PSEN2: variants seen among roughly 807,000 people sequenced by gnomAD.
The protein encoded by PSEN2 is presenilin 2, also known as presenilin-2.
A neutral mutation model predicts 49.1 loss-of-function variants in PSEN2; 32 were observed. The ratio of observed to expected loss-of-function variants is 0.65; its 90% CI spans 0.49 to 0.88. PSEN2 has a LOEUF of 0.88. PSEN2 is among the 40% of genes least tolerant of loss of function. PSEN2 has a pLI of 0.00. For missense variants in PSEN2, 522 were observed against 586.9 expected (o/e 0.89, Z 1.14); for synonymous variants, 255 against 244.0 (o/e 1.05, Z -0.42).
chr1:226,872,181 C>T (rs182206986), intron 2 of PSEN2, among the ~76,000 whole-genome samples: 11 of 152,276 alleles, frequency 7.2e-5, no homozygotes, highest in African/African-American at 2.6e-4. Flanking sequence ...TAATGTCACA[C>T]CTGTCTCCCC....
chr1:226,884,062 T>G (rs1661186436), intron 5 of PSEN2, 143 bp downstream of exon 5: 1 of 723,440 alleles, frequency 1.4e-6, no homozygotes, highest in African/African-American at 1.7e-5. Flanking sequence ...CCGCCCAGGT[T>G]CATGGCCTGG....
chr1:226,885,506 C>G (rs200748438), intron 5 of PSEN2, 32 bp from the exon 6 acceptor site: 1 of 1,611,650 alleles, frequency 6.2e-7, no homozygotes, highest in African/African-American at 1.3e-5. Context: ...CAGTCAGGGC[C>G]GGGAGCATCA....
At chr1:226,903,042 T>A (rs181707239) in intron 12 of PSEN2, among the ~76,000 whole-genome samples, 1 of 145,662 alleles carries the variant, frequency 6.9e-6, no homozygotes, top group East Asian at 1.9e-4. Context: ...GGCTTGAAAT[T>A]ATCAAAATAA....
At chr1:226,889,281 CTT>C (rs58663378) in intron 8 of PSEN2, among the ~76,000 whole-genome samples, 1 of 145,882 alleles carries the variant, frequency 6.9e-6, no homozygotes. Context: ...TCCTCATTTA[CTT>C]TTTTTTTTTT....
downstream of PSEN2, chr1:226,899,082 C>T (rs1488698962): frequency 6.6e-6 from 1 of 152,154 alleles, no homozygotes; most frequent in African/African-American, 2.4e-5. Context: ...CCTCTCTTCC[C>T]TGCCTTTAGG....
At chr1:226,891,508 C>A in intron 10 of PSEN2, 147 bp downstream of exon 10, 1 of 786,496 alleles carries the variant, frequency 1.3e-6, no homozygotes. Flanking sequence ...CGGACACATG[C>A]GGCTTGAAGA....
At chr1:226,897,103 G>A (rs1196551333), downstream of PSEN2, among the ~76,000 whole-genome samples, 1 of 152,178 alleles carries the variant, frequency 6.6e-6, no homozygotes, top group Admixed American at 6.5e-5. Context: ...TCAGAGACCT[G>A]GGATGGGGGG....
At chr1:226,885,138 C>T (rs538926736) in intron 5 of PSEN2, among the ~76,000 whole-genome samples, 2 of 131,036 alleles carry the variant, frequency 1.5e-5, no homozygotes, top group Admixed American at 7.8e-5. Context: ...GGATGGGGGT[C>T]GGGTAGTAGC....
rs1322806523 is a variant in PSEN2 at position 226,895,900 on chromosome 1, G to T, written c.*321G>T. ...GCTGAGATGCGCAAAGAGTGTGCTCGGGAGTGGCCCCTGGCACCTGGGTGC... is the reference window on the plus strand; with the variant it reads ...GCTGAGATGCGCAAAGAGTGTGCTCTGGAGTGGCCCCTGGCACCTGGGTGC... On this transcript the variant is annotated 3_prime_UTR_variant, in exon 13 of 13. Transcript: ENST00000366783. 2 of 433,102 alleles carry T rather than the reference G, an allele frequency of 4.6e-6. No individual in the cohort carries two copies. The highest frequency in any genetic ancestry group is 8.5e-6 in the Non-Finnish European group (2 of 234,116). 26.8% of individuals were successfully genotyped at this position (433,102 alleles called of 1,614,324 possible). A position where few individuals can be genotyped will look rare whatever the true frequency, so the allele number is the denominator to read the frequency against.
chr1:226,900,303 C>T (rs1480452237), downstream of PSEN2, among the ~76,000 whole-genome samples: 2 of 152,116 alleles, frequency 1.3e-5, no homozygotes, highest in Non-Finnish European at 2.9e-5. Context: ...TGGCTCTCTA[C>T]AGAATGCCTG....
chr1:226,890,904 G>A, intron 9 of PSEN2: 1 of 274,124 alleles, frequency 3.6e-6, no homozygotes. Context: ...CTGCAGCGTG[G>A]CCCCACGGGA....
At chr1:226,877,358 C>G (rs1224707292) in intron 3 of PSEN2, among the ~76,000 whole-genome samples, 9 of 152,200 alleles carry the variant, frequency 5.9e-5, no homozygotes, top group African/African-American at 2.2e-4. Context: ...CTTTTTGAGC[C>G]TCTGTTTCCT....
intron 6 of PSEN2, 61 bp from the exon 7 acceptor site, chr1:226,888,030 G>A (rs1661481536): frequency 1.5e-6 from 2 of 1,362,904 alleles, no homozygotes; most frequent in Admixed American, 3.4e-5. Flanking sequence ...CAGGATCCTG[G>A]GGGCCTTAGA....
Position 226,888,977 on chromosome 1 carries a change from A to T in PSEN2, c.715A>T (p.Met239Leu), listed in dbSNP as rs28936379. The change falls in exon 8 of 13, where the codon ATG becomes TTG. Residue 239 changes from methionine (M) to leucine (L), a missense_variant. Met to Leu is a conservative substitution (Grantham distance 15, BLOSUM62 2). Transcript: ENST00000366783. ...CTACCTCATCATGATCAGTGCGCTC[A>T]TGGCCCTAGTGTTCATCAAGTACCT... The part of the protein sequence containing the change: ...QAYLIMISAL[M>L]ALVFIKYLPE... 1.9e-6 allele frequency: 3 copies of T among 1,614,148 alleles called. No individual in the cohort carries two copies. Among genetic ancestry groups the T allele is most frequent in the South Asian group, 1.1e-5 (1 of 91,078 alleles).
intron 2 of PSEN2, among the ~76,000 whole-genome samples, chr1:226,874,472 A>G (rs553004631): frequency 5.3e-5 from 8 of 152,154 alleles, no homozygotes; most frequent in South Asian, 4.1e-4. Flanking sequence ...ATGTCCTTTC[A>G]TTTGATAATA....
At chr1:226,882,635 GC>G (rs2102669708) in intron 4 of PSEN2, among the ~76,000 whole-genome samples, 1 of 152,258 alleles carries the variant, frequency 6.6e-6, no homozygotes, top group Non-Finnish European at 1.5e-5. Flanking sequence ...TCTCTGTTTT[GC>G]CCATTATAGA....
Position 226,895,540 on chromosome 1 carries a change from G to A in PSEN2, c.1308G>A (p.Pro436=), listed in dbSNP as rs199547508. 9.3e-6 allele frequency: 15 copies of A among 1,613,588 alleles called. No individual in the cohort carries two copies. Among genetic ancestry groups the A allele is most frequent in the African/African-American group, 8.0e-5 (6 of 74,904 alleles). The stretch of plus-strand genomic sequence containing the variant: ...TCTCCACGGACAACCTGGTGCGGCC[G>A]TTCATGGACACCCTGGCCTCCCATC... ...FYFSTDNLVR[P]FMDTLASHQL... The change falls in exon 13 of 13, where the codon CCG becomes CCA. Residue 436 remains proline (P), a synonymous_variant. Transcript: ENST00000366783.
chr1:226,896,201 G>T (rs1211835830), downstream of PSEN2: 1 of 158,626 alleles, frequency 6.3e-6, no homozygotes, highest in Non-Finnish European at 1.4e-5. Flanking sequence ...AGTTTGCCCT[G>T]TTTGAAGGAA....
chr1:226,880,748 A>G, intron 3 of PSEN2: 2 of 1,612,582 alleles, frequency 1.2e-6, no homozygotes, highest in African/African-American at 2.7e-5. Flanking sequence ...CCCACTTGGT[A>G]CTACTGTGTG....
Sources: gnomAD v4.1 joint callset for allele counts (sites outside exome capture counted in the v4.1 genomes callset) on GRCh38, gnomAD v4.1.1 for gene constraint, MANE v1.5 for transcripts, NCBI Gene and HGNC (gene_info 2026-07-23, HGNC 2026-07-21) for gene names.